Variants in FHIT observed in about 807,000 individuals in gnomAD.
FHIT encodes the protein bis(5'-adenosyl)-triphosphatase.
A neutral mutation model predicts 17.9 loss-of-function variants in FHIT; 19 were observed. That is an observed-to-expected ratio of 1.06 (90% confidence interval 0.74 to 1.56). FHIT has a LOEUF of 1.56. Ranked by LOEUF, FHIT falls within the 40% of genes most tolerant of loss-of-function variation. The pLI is 0.00. For missense variants in FHIT, 248 were observed against 189.2 expected (o/e 1.31, Z -1.82); for synonymous variants, 81 against 69.7 (o/e 1.16, Z -0.81).
chr3:60,268,134 A>G (rs1194182170), intron 5 of FHIT, among the ~76,000 whole-genome samples: 1 of 152,192 alleles, frequency 6.6e-6, no homozygotes, highest in Admixed American at 6.5e-5. Flanking sequence ...AGGTAACTAC[A>G]AAAAGCTTTT....
intron 2 of FHIT, among the ~76,000 whole-genome samples, chr3:61,077,481 C>CA (rs1333282251): frequency 3.3e-5 from 5 of 151,738 alleles, no homozygotes; most frequent in African/African-American, 1.2e-4. Flanking sequence ...AACAAACAAA[C>CA]AAACAAAAAA....
intron 7 of FHIT, among the ~76,000 whole-genome samples, chr3:59,967,127 C>T (rs1167316240): frequency 6.6e-6 from 1 of 152,060 alleles, no homozygotes; most frequent in African/African-American, 2.4e-5. Flanking sequence ...TCTATGTCCA[C>T]ATCTTGTCCC....
chr3:59,842,593 A>G (rs1257142226), intron 8 of FHIT, among the ~76,000 whole-genome samples: 1 of 152,146 alleles, frequency 6.6e-6, no homozygotes, highest in Non-Finnish European at 1.5e-5. Context: ...CTTTTTTGAT[A>G]GCAGCCAACT....
At chr3:60,406,772 C>G (rs1394601596) in intron 5 of FHIT, among the ~76,000 whole-genome samples, 2 of 152,110 alleles carry the variant, frequency 1.3e-5, no homozygotes, top group South Asian at 2.1e-4. Context: ...TATCCCAAAA[C>G]CTTCTTCCCT....
At chr3:60,152,678 G>A (rs1016951877) in intron 5 of FHIT, among the ~76,000 whole-genome samples, 15 of 152,134 alleles carry the variant, frequency 9.9e-5, no homozygotes, top group African/African-American at 3.6e-4. Flanking sequence ...AATCTGCCAG[G>A]ACTCCTTGCC....
chr3:59,810,453 G>A, intron 8 of FHIT, among the ~76,000 whole-genome samples: 1 of 152,170 alleles, frequency 6.6e-6, no homozygotes, highest in Non-Finnish European at 1.5e-5. Context: ...TCTTAATTAT[G>A]ACTTACAAAT....
intron 5 of FHIT, among the ~76,000 whole-genome samples, chr3:60,048,384 G>A (rs2106867657): frequency 6.6e-6 from 1 of 152,240 alleles, no homozygotes; most frequent in East Asian, 1.9e-4. Flanking sequence ...CACTATGTTA[G>A]CCAGGATGGG....
At chr3:60,372,841 G>A (rs1489516233) in intron 5 of FHIT, among the ~76,000 whole-genome samples, 1 of 151,906 alleles carries the variant, frequency 6.6e-6, no homozygotes, top group Admixed American at 6.6e-5. Context: ...TGAAATTAAA[G>A]TTTCTTTTGA....
chr3:61,123,368 G>GT (rs2036515596), intron 2 of FHIT, among the ~76,000 whole-genome samples: 1 of 152,056 alleles, frequency 6.6e-6, no homozygotes, highest in Non-Finnish European at 1.5e-5. Flanking sequence ...GGGCGCTAGG[G>GT]TAAGGATAGC....
chr3:59,916,728 G>A (rs904169598), intron 8 of FHIT, among the ~76,000 whole-genome samples: 5 of 152,162 alleles, frequency 3.3e-5, no homozygotes, highest in African/African-American at 1.2e-4. Context: ...AGCATTCATA[G>A]ATACAGAGGG....
intron 3 of FHIT, among the ~76,000 whole-genome samples, chr3:60,990,223 A>C (rs141404695): frequency 1.2e-4 from 18 of 152,360 alleles, no homozygotes; most frequent in Non-Finnish European, 2.6e-4. Flanking sequence ...TATTTAAATT[A>C]AAAACTTCCT....
intron 5 of FHIT, among the ~76,000 whole-genome samples, chr3:60,346,483 C>A (rs577143805): frequency 6.6e-6 from 1 of 152,310 alleles, no homozygotes; most frequent in Admixed American, 6.5e-5. Context: ...TTGCACCTTA[C>A]CCAGGGGAGG....
At chr3:60,619,387 A>C (rs1473637598) in intron 4 of FHIT, among the ~76,000 whole-genome samples, 4 of 152,194 alleles carry the variant, frequency 2.6e-5, no homozygotes, top group Admixed American at 6.5e-5. Context: ...GTGTACATGG[A>C]AAAGCAAAAG....
At chr3:61,190,086 G>A (rs1452207377) in intron 2 of FHIT, among the ~76,000 whole-genome samples, 3 of 151,944 alleles carry the variant, frequency 2.0e-5, no homozygotes, top group African/African-American at 7.2e-5. Context: ...TGACAAATGG[G>A]ATCTAATTAA....
intron 5 of FHIT, among the ~76,000 whole-genome samples, chr3:60,495,727 G>A (rs903481432): frequency 4.6e-5 from 7 of 151,916 alleles, no homozygotes; most frequent in South Asian, 2.1e-4. Flanking sequence ...TTGACAAGAC[G>A]GAAAAAAATC....
chr3:60,170,293 AG>A (rs1452923357), intron 5 of FHIT, among the ~76,000 whole-genome samples: 1 of 152,182 alleles, frequency 6.6e-6, no homozygotes, highest in Admixed American at 6.5e-5. Flanking sequence ...GAATCACAGA[AG>A]GAAGTGGATG....
intron 4 of FHIT, among the ~76,000 whole-genome samples, chr3:60,817,983 T>C (rs1312275359): frequency 2.6e-5 from 4 of 152,128 alleles, no homozygotes; most frequent in African/African-American, 9.7e-5. Flanking sequence ...AAAAGAAAAT[T>C]TCTATGGATC....
intron 4 of FHIT, among the ~76,000 whole-genome samples, chr3:60,610,183 C>A (rs2038741276): frequency 6.6e-6 from 1 of 152,118 alleles, no homozygotes; most frequent in East Asian, 1.9e-4. Flanking sequence ...TGTGCACTTG[C>A]ATAGTGGGAA....
intron 5 of FHIT, among the ~76,000 whole-genome samples, chr3:60,225,077 C>T (rs79089556): frequency 2.1e-4 from 32 of 152,238 alleles, no homozygotes; most frequent in African/African-American, 7.7e-4. Flanking sequence ...AGTCTTCCCC[C>T]CAAGCTAGGT....
Sources: gnomAD v4.1 joint callset for allele counts (sites outside exome capture counted in the v4.1 genomes callset) on GRCh38, gnomAD v4.1.1 for gene constraint, MANE v1.5 for transcripts, NCBI Gene and HGNC (gene_info 2026-07-23, HGNC 2026-07-21) for gene names.